Variants in LARS2 observed in about 807,000 individuals in gnomAD.
LARS2 encodes leucine--tRNA ligase, mitochondrial.
A neutral mutation model predicts 116.6 loss-of-function variants in LARS2; 81 were observed. That is an observed-to-expected ratio of 0.69 (90% CI 0.58 to 0.84). The LOEUF is 0.84. Ranked by LOEUF, LARS2 falls within the 40% of genes least tolerant of loss-of-function variation. LARS2 has a pLI of 0.00. For missense variants in LARS2, 968 were observed against 1,114.5 expected, an observed-to-expected ratio of 0.87 and a Z score of 1.87; for synonymous variants, 396 against 407.2, an observed-to-expected ratio of 0.97 and a Z score of 0.33.
intron 6 of LARS2, among the ~76,000 whole-genome samples, chr3:45,430,532 G>T (rs1483527254): frequency 1.3e-5 from 2 of 148,400 alleles, no homozygotes; most frequent in South Asian, 4.2e-4. Flanking sequence ...TGCCCGCCTC[G>T]GCCTCCCAAA....
intron 4 of LARS2, among the ~76,000 whole-genome samples, chr3:45,400,945 C>G (rs1010274825): frequency 1.3e-5 from 2 of 151,980 alleles, no homozygotes; most frequent in African/African-American, 2.4e-5. Flanking sequence ...TCCCGAGTAG[C>G]TGGGACTACA....
rs906932570 is a variant in LARS2 at position 45,416,798 on chromosome 3, G to A, written c.364-684G>A. Among the ~76,000 whole-genome samples, 12 of 152,282 alleles carry A rather than the reference G, an allele frequency of 7.9e-5. No individual in the cohort carries two copies. The South Asian group carries it at 2.5e-3, about 32-fold the overall frequency. ...CTCCATAAATGAAAAATACTGGCCG[G>A]GCACAGTGGCTCACGCCTGTAATCC... On this transcript the variant is annotated intron_variant, in intron 4 of 21. Coordinates refer to ENST00000645846, the MANE Select transcript of LARS2 (RefSeq NM_015340.4).
chr3:45,459,302 T>C (rs1187208554), intron 8 of LARS2, among the ~76,000 whole-genome samples: 1 of 152,206 alleles, frequency 6.6e-6, no homozygotes, highest in Non-Finnish European at 1.5e-5. Flanking sequence ...AAATGGACTT[T>C]TGGTTTATTA....
intron 4 of LARS2, among the ~76,000 whole-genome samples, chr3:45,413,787 CTT>C (rs1698372979): frequency 6.6e-6 from 1 of 152,214 alleles, no homozygotes. Context: ...TGCCTGTTCT[CTT>C]ACTGCTGCCT....
chr3:45,541,266 G>C (rs1404533773), intron 20 of LARS2, among the ~76,000 whole-genome samples: 1 of 152,092 alleles, frequency 6.6e-6, no homozygotes, highest in Non-Finnish European at 1.5e-5. Context: ...GGCCCACCCT[G>C]AGCCAAGGAA....
At chr3:45,469,820 C>A (rs1348134997) in intron 8 of LARS2, among the ~76,000 whole-genome samples, 1 of 151,832 alleles carries the variant, frequency 6.6e-6, no homozygotes, top group Non-Finnish European at 1.5e-5. Context: ...TTGTGCCTCC[C>A]CCCCCACCAA....
In LARS2 at chr3:45,524,076, T is replaced by C. The variant is rs919805149; in HGVS notation, c.2372T>C (p.Leu791Pro). The stretch of plus-strand genomic sequence containing the variant: ...GCCCTGATGGTAATGGCTGCTCCAC[T>C]GGCCCCTCATGTAACCTCAGAGATC... ...LCALMVMAAP[L>P]APHVTSEIWA... Residue 791 changes from leucine (L) to proline (P), a missense_variant, in exon 20 of 22, where the codon CTG becomes CCG. Physicochemically the swap from Leu to Pro is moderately conservative, Grantham distance 98. Transcript: ENST00000645846. 2 of 1,613,352 alleles carry C rather than the reference T, an allele frequency of 1.2e-6. No individual in the cohort carries two copies. The highest frequency in any genetic ancestry group is 1.3e-5 in the African/African-American group (1 of 74,900).
chr3:45,423,008 C>T (rs1698539502), intron 6 of LARS2, among the ~76,000 whole-genome samples: 1 of 152,128 alleles, frequency 6.6e-6, no homozygotes, highest in African/African-American at 2.4e-5. Flanking sequence ...CTTTTTAAAA[C>T]ATAGCTTTAG....
At chr3:45,498,294 G>A (rs946904589) in intron 14 of LARS2, among the ~76,000 whole-genome samples, 3 of 152,186 alleles carry the variant, frequency 2.0e-5, no homozygotes, top group Non-Finnish European at 4.4e-5. Context: ...GCCCCAGCAC[G>A]AGTTCTTCCT....
At chr3:45,541,298 C>A (rs368159094) in intron 20 of LARS2, among the ~76,000 whole-genome samples, 1 of 152,106 alleles carries the variant, frequency 6.6e-6, no homozygotes, top group Non-Finnish European at 1.5e-5. Context: ...TTCCACTAAA[C>A]GGAGGGCTCC....
chr3:45,391,448 G>C (rs1238731267), intron 1 of LARS2, 135 bp from the exon 2 acceptor site: 1 of 148,872 alleles, frequency 6.7e-6, no homozygotes, highest in African/African-American at 2.5e-5. Flanking sequence ...TTGCGCCATT[G>C]CACGATCTCA....
intron 19 of LARS2, 63 bp from the exon 20 acceptor site, chr3:45,523,934 G>C: frequency 8.4e-7 from 1 of 1,195,596 alleles, no homozygotes; most frequent in Non-Finnish European, 1.2e-6. Context: ...TACATTAATG[G>C]TCTTTCTTAC....
intron 20 of LARS2, among the ~76,000 whole-genome samples, chr3:45,524,775 A>G (rs1246343998): frequency 2.0e-5 from 3 of 152,214 alleles, no homozygotes; most frequent in Non-Finnish European, 4.4e-5. Flanking sequence ...TCGTTGACGT[A>G]AAAGATTTCT....
At chr3:45,521,052 C>T (rs1291013009) in intron 19 of LARS2, among the ~76,000 whole-genome samples, 1 of 152,014 alleles carries the variant, frequency 6.6e-6, no homozygotes, top group Admixed American at 6.6e-5. Context: ...CACCTGTAAT[C>T]CCAGCACTTT....
intron 12 of LARS2, among the ~76,000 whole-genome samples, chr3:45,490,679 G>T (rs1699900180): frequency 6.6e-6 from 1 of 152,166 alleles, no homozygotes; most frequent in African/African-American, 2.4e-5. Flanking sequence ...TGAGGACATG[G>T]GAAGATCATA....
At chr3:45,536,833 A>G (rs886098558) in intron 20 of LARS2, among the ~76,000 whole-genome samples, 2 of 152,252 alleles carry the variant, frequency 1.3e-5, no homozygotes, top group Admixed American at 1.3e-4. Context: ...ATCTGACAGA[A>G]GCATGTGGTG....
At position 45,436,481 on chromosome 3, in the gene LARS2, T is replaced by C. The variant is rs1698803213; in HGVS notation, c.517-10410T>C. On this transcript the variant is annotated intron_variant, in intron 6 of 21. Transcript: ENST00000645846. ...CTGTAGTTTAATGGAGGGTTTTCTC[T>C]TCCCAACTGTCTAGTTAGAAAAGCC... Among the ~76,000 whole-genome samples, 10 of 152,328 alleles carry C rather than the reference T, an allele frequency of 6.6e-5. No individual in the cohort carries two copies. In the South Asian group the frequency reaches 2.1e-3, roughly 32 times the overall value.
chr3:45,503,391 ATCTTC>A (rs1215462171), intron 15 of LARS2, among the ~76,000 whole-genome samples: 1 of 151,914 alleles, frequency 6.6e-6, no homozygotes, highest in Non-Finnish European at 1.5e-5. Context: ...CTTGTTTGAG[ATCTTC>A]TTCTAGACTC....
intron 6 of LARS2, among the ~76,000 whole-genome samples, chr3:45,433,544 T>A (rs1466076424): frequency 6.6e-6 from 1 of 152,152 alleles, no homozygotes; most frequent in African/African-American, 2.4e-5. Flanking sequence ...CTCTTTCCCA[T>A]TTGTAACAAT....
Sources: allele counts gnomAD v4.1 joint callset (sites outside exome capture counted in the v4.1 genomes callset), GRCh38; gene constraint gnomAD v4.1.1; transcripts MANE v1.5; gene names NCBI Gene and HGNC (gene_info 2026-07-23, HGNC 2026-07-21).